Variants in EXOC6B observed in about 807,000 individuals in gnomAD.
EXOC6B encodes SEC15 homolog B.
EXOC6B carries 54 observed loss-of-function variants against 113.5 expected under a neutral mutation model. The observed-to-expected ratio is 0.48, with a 90% CI of 0.38 to 0.60. The LOEUF is 0.60. Ranked by LOEUF, EXOC6B falls within the 20% of genes least tolerant of loss-of-function variation. EXOC6B has a pLI of 0.00. For missense variants in EXOC6B, 797 were observed against 977.5 expected (o/e 0.82, Z 2.46); for synonymous variants, 357 against 339.0 (o/e 1.05, Z -0.58).
chr2:72,549,197 T>C (rs1272554887), intron 8 of EXOC6B, among the ~76,000 whole-genome samples: 2 of 152,288 alleles, frequency 1.3e-5, no homozygotes, highest in Admixed American at 1.3e-4. Context: ...TTTTATATAC[T>C]ATATTGTATT....
chr2:72,333,959 G>C (rs1459579344), intron 20 of EXOC6B, among the ~76,000 whole-genome samples: 3 of 151,784 alleles, frequency 2.0e-5, no homozygotes, highest in Non-Finnish European at 4.4e-5. Context: ...GCAGCTTTAA[G>C]AAATACCCTG....
chr2:72,338,445 G>A (rs1688823378), intron 19 of EXOC6B, among the ~76,000 whole-genome samples: 1 of 152,094 alleles, frequency 6.6e-6, no homozygotes, highest in Non-Finnish European at 1.5e-5. Flanking sequence ...GCTCAGTGAT[G>A]AGTTAGTGAG....
intron 20 of EXOC6B, among the ~76,000 whole-genome samples, chr2:72,329,911 T>C (rs1374940072): frequency 6.6e-6 from 1 of 152,054 alleles, no homozygotes; most frequent in Non-Finnish European, 1.5e-5. Flanking sequence ...AAATGCACTG[T>C]GTTTACTTTA....
chr2:72,568,002 G>T (rs980606615), intron 7 of EXOC6B, among the ~76,000 whole-genome samples: 1 of 152,038 alleles, frequency 6.6e-6, no homozygotes, highest in Non-Finnish European at 1.5e-5. Context: ...TAGGGAACAG[G>T]ATAGTCACAT....
At chr2:72,388,942 T>C (rs1692213643) in intron 18 of EXOC6B, among the ~76,000 whole-genome samples, 1 of 152,146 alleles carries the variant, frequency 6.6e-6, no homozygotes, top group Admixed American at 6.5e-5. Context: ...TCTATGTCTT[T>C]ATACATTAGA....
intron 20 of EXOC6B, among the ~76,000 whole-genome samples, chr2:72,303,107 G>A (rs1476510924): frequency 6.6e-6 from 1 of 152,074 alleles, no homozygotes; most frequent in Non-Finnish European, 1.5e-5. Flanking sequence ...TGAAATTCTT[G>A]GTTGAAGTTT....
In EXOC6B at chr2:72,480,733, G is replaced by A; in HGVS notation, c.1683C>T (p.Ile561=). Residue 561 remains isoleucine (I), a synonymous_variant, in exon 17 of 22, where the codon ATC becomes ATT. Coordinates refer to ENST00000272427, the MANE Select transcript of EXOC6B (RefSeq NM_015189.3). ...AGGATTTCTCCAAATGTGTTGTATT[G>A]ATAATAATCTGAACAAGCTAGAAAA... ...IGLTELVQII[I]NTTHLEKSCK... 6.2e-7 allele frequency: 1 copy of A among 1,600,622 alleles called. No homozygotes were observed. The highest frequency in any genetic ancestry group is 8.5e-7 in the Non-Finnish European group (1 of 1,172,680).
intron 1 of EXOC6B, among the ~76,000 whole-genome samples, chr2:72,813,119 C>G (rs1299396251): frequency 6.6e-6 from 1 of 152,120 alleles, no homozygotes; most frequent in Non-Finnish European, 1.5e-5. Flanking sequence ...AGACAGGATG[C>G]CACTCTGTCA....
At chr2:72,575,738 A>C in intron 6 of EXOC6B, 70 bp from the exon 7 acceptor site, 2 of 1,363,556 alleles carry the variant, frequency 1.5e-6, no homozygotes, top group Non-Finnish European at 9.7e-7. Context: ...GAAAGAAAAA[A>C]AGAAAAGAAA....
intron 20 of EXOC6B, among the ~76,000 whole-genome samples, chr2:72,316,504 A>G (rs1038043050): frequency 6.6e-6 from 1 of 152,200 alleles, no homozygotes; most frequent in African/African-American, 2.4e-5. Flanking sequence ...ATTAAAGTAA[A>G]CTGATAATGA....
intron 6 of EXOC6B, among the ~76,000 whole-genome samples, chr2:72,626,602 T>C (rs1672065935): frequency 6.6e-6 from 1 of 152,184 alleles, no homozygotes; most frequent in Non-Finnish European, 1.5e-5. Context: ...GTTTATTTGC[T>C]ATTTATATAC....
intron 1 of EXOC6B, among the ~76,000 whole-genome samples, chr2:72,809,550 G>A (rs555812682): frequency 2.1e-4 from 31 of 150,298 alleles, no homozygotes; most frequent in African/African-American, 7.6e-4. Context: ...TAAACAGCAG[G>A]AAGGAAATAA....
chr2:72,584,309 G>T (rs1705413154), intron 6 of EXOC6B, among the ~76,000 whole-genome samples: 1 of 151,196 alleles, frequency 6.6e-6, no homozygotes, highest in Non-Finnish European at 1.5e-5. Flanking sequence ...AGGGATTTGG[G>T]CCTACTCATA....
chr2:72,621,669 A>G (rs941863757), intron 6 of EXOC6B, among the ~76,000 whole-genome samples: 29 of 152,214 alleles, frequency 1.9e-4, no homozygotes, highest in Admixed American at 1.4e-3. Context: ...CTTTTATAAA[A>G]AGGAGGACAG....
intron 1 of EXOC6B, among the ~76,000 whole-genome samples, chr2:72,793,243 T>A (rs1304571938): frequency 6.6e-6 from 1 of 152,108 alleles, no homozygotes; most frequent in Non-Finnish European, 1.5e-5. Context: ...ACACAAAGGG[T>A]ACATAAAGAA....
chr2:72,402,069 A>C (rs935316191), intron 18 of EXOC6B, among the ~76,000 whole-genome samples: 5 of 151,614 alleles, frequency 3.3e-5, no homozygotes, highest in African/African-American at 1.2e-4. Context: ...AAATTTTAAG[A>C]ATTTGTGTTA....
intron 17 of EXOC6B, among the ~76,000 whole-genome samples, chr2:72,475,514 G>A (rs905370545): frequency 3.3e-5 from 5 of 152,116 alleles, no homozygotes; most frequent in Non-Finnish European, 7.4e-5. Flanking sequence ...TGCCAACTGT[G>A]GAGGACAGGG....
chr2:72,311,822 T>G (rs1687203967), intron 20 of EXOC6B, among the ~76,000 whole-genome samples: 1 of 151,986 alleles, frequency 6.6e-6, no homozygotes, highest in South Asian at 2.1e-4. Flanking sequence ...TATTAAGGGA[T>G]GGATAGAGGA....
chr2:72,706,097 G>A (rs1184288671), intron 6 of EXOC6B, among the ~76,000 whole-genome samples: 1 of 152,024 alleles, frequency 6.6e-6, no homozygotes, highest in African/African-American at 2.4e-5. Flanking sequence ...TTTAAAATTT[G>A]GTCAAGTCCT....
Sources: allele counts gnomAD v4.1 joint callset (sites outside exome capture counted in the v4.1 genomes callset), GRCh38; gene constraint gnomAD v4.1.1; transcripts MANE v1.5; gene names NCBI Gene and HGNC (gene_info 2026-07-23, HGNC 2026-07-21).